SNX29: variants seen among roughly 807,000 people sequenced by gnomAD.
The protein encoded by SNX29 is sorting nexin-29.
Under a neutral mutation model 102.1 loss-of-function variants are expected in SNX29, and 78 were observed. The observed-to-expected ratio is 0.76, with a 90% CI of 0.64 to 0.92. SNX29 has a LOEUF of 0.92. Among genes scored for constraint, SNX29 ranks in the 40% least tolerant of loss-of-function variants. The pLI, the probability that SNX29 is intolerant of heterozygous loss-of-function variation, is 0.00. For synonymous variants in SNX29, 580 were observed against 414.5 expected (o/e 1.40, Z -4.85); for missense variants, 1,280 against 1,061.7 (o/e 1.21, Z -2.86).
At chr16:12,547,711 A>G (rs2077698097) in intron 20 of SNX29, among the ~76,000 whole-genome samples, 1 of 152,138 alleles carries the variant, frequency 6.6e-6, no homozygotes, top group Non-Finnish European at 1.5e-5. Flanking sequence ...TGGGATCTGC[A>G]TAGCATGGCA....
intron 18 of SNX29, among the ~76,000 whole-genome samples, chr16:12,416,132 G>C (rs753295423): frequency 3.9e-5 from 6 of 152,178 alleles, no homozygotes; most frequent in Non-Finnish European, 8.8e-5. Context: ...AAGGAACCCA[G>C]AACTGGGCAG....
At chr16:11,993,370 A>G (rs569506337) in intron 1 of SNX29, among the ~76,000 whole-genome samples, 1 of 152,136 alleles carries the variant, frequency 6.6e-6, no homozygotes, top group Non-Finnish European at 1.5e-5. Context: ...TTCATCTCCC[A>G]GGGCAGCAAA....
intron 18 of SNX29, among the ~76,000 whole-genome samples, chr16:12,459,059 C>A (rs1450499220): frequency 1.8e-5 from 2 of 113,560 alleles, no homozygotes; most frequent in Non-Finnish European, 3.6e-5. Context: ...TGTCTTCTTC[C>A]CCCACCTCCT....
At chr16:12,477,139 T>C (rs2087691894) in intron 18 of SNX29, among the ~76,000 whole-genome samples, 1 of 152,198 alleles carries the variant, frequency 6.6e-6, no homozygotes, top group Admixed American at 6.5e-5. Flanking sequence ...TTGATTAAAA[T>C]AAAGAAATTC....
chr16:12,088,119 G>C (rs761437916), intron 11 of SNX29: 3 of 456,698 alleles, frequency 6.6e-6, no homozygotes, highest in Non-Finnish European at 8.8e-6. Context: ...GGTGTCTGAG[G>C]CTGCAGGGCA....
intron 17 of SNX29, among the ~76,000 whole-genome samples, chr16:12,400,541 G>A (rs1213167635): frequency 6.6e-6 from 1 of 152,066 alleles, no homozygotes; most frequent in East Asian, 1.9e-4. Flanking sequence ...CCTCAACTTG[G>A]CCAACTCTAA....
At chr16:12,051,733 A>G (rs1305105851) in intron 7 of SNX29, 114 bp from the exon 8 acceptor site, 7 of 1,399,000 alleles carry the variant, frequency 5.0e-6, no homozygotes, top group Non-Finnish European at 6.7e-6. Flanking sequence ...TTCATGTTAC[A>G]GTGTATTTCT....
intron 18 of SNX29, among the ~76,000 whole-genome samples, chr16:12,409,984 TTTG>T (rs1049743838): frequency 2.9e-4 from 44 of 152,024 alleles, no homozygotes; most frequent in Non-Finnish European, 5.7e-4. Flanking sequence ...AAGCGTTTTT[TTTG>T]TTGTTGTTTT....
chr16:12,147,453 G>A (rs527725828), intron 13 of SNX29, among the ~76,000 whole-genome samples: 1 of 152,296 alleles, frequency 6.6e-6, no homozygotes, highest in East Asian at 1.9e-4. Flanking sequence ...TTCATTTCTT[G>A]TCTTTTCTAA....
chr16:12,256,147 C>A (rs1225477038), intron 14 of SNX29, among the ~76,000 whole-genome samples: 1 of 152,190 alleles, frequency 6.6e-6, no homozygotes, highest in Non-Finnish European at 1.5e-5. Context: ...GCTGGTCATA[C>A]ACCTGTTGGC....
intron 15 of SNX29, among the ~76,000 whole-genome samples, chr16:12,299,047 C>T (rs894688654): frequency 2.6e-5 from 4 of 151,378 alleles, no homozygotes; most frequent in Non-Finnish European, 4.4e-5. Context: ...TGCCTGTAAT[C>T]CCAGCCCTTT....
At chr16:12,148,592 G>A (rs2055163939) in intron 13 of SNX29, among the ~76,000 whole-genome samples, 2 of 152,042 alleles carry the variant, frequency 1.3e-5, no homozygotes, top group South Asian at 2.1e-4. Flanking sequence ...TATTTCCATA[G>A]CATTTCTTGT....
chr16:12,218,646 C>T (rs996771716), intron 14 of SNX29, among the ~76,000 whole-genome samples: 4 of 152,162 alleles, frequency 2.6e-5, no homozygotes, highest in African/African-American at 9.7e-5. Flanking sequence ...GAATTTTCCT[C>T]CTGATCAAAA....
At chr16:12,097,749 T>C (rs1393265998) in intron 11 of SNX29, among the ~76,000 whole-genome samples, 1 of 152,178 alleles carries the variant, frequency 6.6e-6, no homozygotes, top group Non-Finnish European at 1.5e-5. Flanking sequence ...ATGTAACCGT[T>C]TGATGCAATT....
intron 18 of SNX29, among the ~76,000 whole-genome samples, chr16:12,410,478 G>A (rs1299355908): frequency 3.3e-5 from 5 of 151,976 alleles, no homozygotes; most frequent in Non-Finnish European, 7.4e-5. Context: ...ACAGGGTCTC[G>A]CTTTGTCACT....
At chr16:12,296,362 G>A (rs1255706307) in intron 15 of SNX29, among the ~76,000 whole-genome samples, 1 of 152,134 alleles carries the variant, frequency 6.6e-6, no homozygotes, top group Non-Finnish European at 1.5e-5. Flanking sequence ...TGTGCCCATG[G>A]CCCTTATATA....
chr16:12,495,424 A>T (rs1362211218), intron 19 of SNX29, among the ~76,000 whole-genome samples: 1 of 152,190 alleles, frequency 6.6e-6, no homozygotes, highest in African/African-American at 2.4e-5. Flanking sequence ...CTGGGATTAC[A>T]GGTGTGAGCC....
rs185157814 is a variant in SNX29 at position 12,431,103 on chromosome 16, C to T, written c.2037+27574C>T. ...CTGATCTCAGGTGATCCACCCACCT[C>T]GGCCTCCCAAAGTGCTGGGATTACA... On this transcript the variant is annotated intron_variant, in intron 18 of 20. Coordinates refer to ENST00000566228, the MANE Select transcript of SNX29 (RefSeq NM_032167.5). Among the ~76,000 whole-genome samples, 23 of 152,272 alleles carry T rather than the reference C, an allele frequency of 1.5e-4. No homozygotes were observed. The East Asian group carries it at 4.1e-3, about 27-fold the overall frequency.
intron 20 of SNX29, chr16:12,545,668 C>G (rs944154329): frequency 6.6e-6 from 1 of 152,250 alleles, no homozygotes; most frequent in African/African-American, 2.4e-5. Context: ...TTCCCAGCTT[C>G]TAGGCTCCAG....
Sources: allele counts gnomAD v4.1 joint callset (sites outside exome capture counted in the v4.1 genomes callset), GRCh38; gene constraint gnomAD v4.1.1; transcripts MANE v1.5; gene names NCBI Gene and HGNC (gene_info 2026-07-23, HGNC 2026-07-21).